PAN3: variants seen among roughly 807,000 people sequenced by gnomAD.
PAN3 encodes poly(A) specific ribonuclease subunit PAN3.
In PAN3, 19 loss-of-function variants were observed where a neutral mutation model predicts 96.2. The observed-to-expected ratio is 0.20, with a 90% CI of 0.14 to 0.29. PAN3 has a LOEUF of 0.29. PAN3 is among the 10% of genes least tolerant of loss of function. The probability of loss-of-function intolerance (pLI) is 1.00; values close to 1 mark genes in which losing one functional copy is unlikely to be tolerated. For missense variants in PAN3, 882 were observed against 1,108.1 expected (o/e 0.80, Z 2.90); for synonymous variants, 433 against 406.6 (o/e 1.06, Z -0.78).
intron 6 of PAN3, among the ~76,000 whole-genome samples, chr13:28,233,482 G>A (rs1395030706): frequency 1.3e-5 from 2 of 152,146 alleles, no homozygotes; most frequent in Admixed American, 1.3e-4. Flanking sequence ...GGCCAGGCTG[G>A]TCTCAGACTC....
chr13:28,255,745 C>CTT (rs898311351), intron 6 of PAN3, among the ~76,000 whole-genome samples: 5 of 143,712 alleles, frequency 3.5e-5, no homozygotes, highest in Admixed American at 1.4e-4. Context: ...TGTATTTCAA[C>CTT]TTTTTTTTTT....
At chr13:28,275,388 G>A (rs1593618519) in intron 14 of PAN3, among the ~76,000 whole-genome samples, 1 of 152,212 alleles carries the variant, frequency 6.6e-6, no homozygotes, top group South Asian at 2.1e-4. Flanking sequence ...AGAGAATAAT[G>A]GAATATTCTG....
At chr13:28,274,517 C>T (rs974616552) in intron 14 of PAN3, among the ~76,000 whole-genome samples, 5 of 150,694 alleles carry the variant, frequency 3.3e-5, no homozygotes, top group South Asian at 2.1e-4. Context: ...AAACTGCACA[C>T]GCTCCTCATT....
At chr13:28,205,265 A>AT (rs1369082830) in intron 5 of PAN3, among the ~76,000 whole-genome samples, 1 of 152,176 alleles carries the variant, frequency 6.6e-6, no homozygotes, top group African/African-American at 2.4e-5. Flanking sequence ...GCTTCAAGCT[A>AT]TCTACTTAGG....
intron 17 of PAN3, among the ~76,000 whole-genome samples, chr13:28,282,111 A>G (rs932084103): frequency 1.7e-4 from 26 of 152,300 alleles, no homozygotes; most frequent in African/African-American, 6.0e-4. Context: ...TATAAGTGAC[A>G]TTGGAAAGGC....
chr13:28,167,081 A>ATTTTTTTTTT (rs1566151683), intron 1 of PAN3, among the ~76,000 whole-genome samples: 1 of 127,620 alleles, frequency 7.8e-6, no homozygotes, highest in African/African-American at 3.2e-5. Context: ...TTTTTATCTT[A>ATTTTTTTTTT]ATTTTTTTTT....
At chr13:28,268,387 C>G (rs746244845) in intron 12 of PAN3, among the ~76,000 whole-genome samples, 3 of 151,884 alleles carry the variant, frequency 2.0e-5, no homozygotes, top group African/African-American at 4.8e-5. Flanking sequence ...GGTTGGATTC[C>G]ATGTTACTTA....
intron 5 of PAN3, chr13:28,214,850 T>A: frequency 1.4e-6 from 1 of 720,278 alleles, no homozygotes; most frequent in Non-Finnish European, 2.5e-6. Flanking sequence ...CTGACTGTGC[T>A]GTACTGATTA....
At chr13:28,275,716 T>A (rs1886999969) in intron 14 of PAN3, among the ~76,000 whole-genome samples, 1 of 152,188 alleles carries the variant, frequency 6.6e-6, no homozygotes, top group Admixed American at 6.5e-5. Context: ...CAAACAGAAA[T>A]GATGGCAACA....
chr13:28,277,620 CACTAGCT>C (rs748820471), intron 15 of PAN3, among the ~76,000 whole-genome samples: 67 of 152,220 alleles, frequency 4.4e-4, no homozygotes, highest in Non-Finnish European at 9.0e-4. Context: ...TGTTGGTATC[CACTAGCT>C]ACATGTGACC....
chr13:28,264,648 C>T (rs1886012901), intron 9 of PAN3, among the ~76,000 whole-genome samples: 1 of 152,108 alleles, frequency 6.6e-6, no homozygotes, highest in African/African-American at 2.4e-5. Context: ...ACTAGCAACC[C>T]CATAGCAAAC....
intron 1 of PAN3, among the ~76,000 whole-genome samples, chr13:28,158,433 A>G (rs1872495411): frequency 6.6e-6 from 1 of 152,250 alleles, no homozygotes; most frequent in Non-Finnish European, 1.5e-5. Flanking sequence ...AAATATTTGT[A>G]AATGGTGCAT....
intron 14 of PAN3, among the ~76,000 whole-genome samples, chr13:28,275,485 A>G (rs940931569): frequency 1.3e-5 from 2 of 152,160 alleles, no homozygotes; most frequent in East Asian, 1.9e-4. Flanking sequence ...GTGTGTTGGT[A>G]CCTGCTGCTC....
chr13:28,207,096 T>C (rs868378456), intron 5 of PAN3, among the ~76,000 whole-genome samples: 3 of 152,138 alleles, frequency 2.0e-5, no homozygotes, highest in African/African-American at 7.2e-5. Context: ...AAAAATAAAA[T>C]GAACGCTGTA....
chr13:28,216,335 G>C (rs905267261), intron 5 of PAN3, among the ~76,000 whole-genome samples: 2 of 152,134 alleles, frequency 1.3e-5, no homozygotes, highest in South Asian at 2.1e-4. Context: ...AGAGCAGAGA[G>C]GGGTGGAAAG....
intron 15 of PAN3, among the ~76,000 whole-genome samples, chr13:28,277,908 C>T (rs962215718): frequency 2.6e-5 from 4 of 152,216 alleles, no homozygotes; most frequent in African/African-American, 7.2e-5. Flanking sequence ...CATGCTTACA[C>T]TCCAGTATCT....
At chr13:28,171,731 A>ACC (rs1184639599) in intron 1 of PAN3, among the ~76,000 whole-genome samples, 3 of 152,130 alleles carry the variant, frequency 2.0e-5, no homozygotes, top group Non-Finnish European at 2.9e-5. Flanking sequence ...AACTCCTTGA[A>ACC]CCCCACAGTT....
At chr13:28,161,812 G>A (rs1872914369) in intron 1 of PAN3, among the ~76,000 whole-genome samples, 1 of 152,180 alleles carries the variant, frequency 6.6e-6, no homozygotes, top group Admixed American at 6.5e-5. Flanking sequence ...CTTGGTTTGT[G>A]AACTTTCGAG....
rs1264530699 is a variant in PAN3 at position 28,256,459 on chromosome 13, G to A, written c.1168G>A (p.Gly390Ser). ...NNPVSQTPSS[G>S]QVIQKETVGG... ...TCCTGTTTCTCAGACTCCGTCTTCT[G>A]GTCAGGTGATCCAAAAGGAAACTGT... Residue 390 changes from glycine (G) to serine (S), a missense_variant, in exon 7 of 19, where the codon GGT becomes AGT. By Grantham distance (56) the Gly-to-Ser change is moderately conservative. Transcript: ENST00000380958. The A allele has an allele frequency of 6.2e-7, 1 of 1,613,816 alleles. No homozygotes were observed. Among genetic ancestry groups the A allele is most frequent in the Admixed American group, 1.7e-5 (1 of 60,006 alleles).
Sources: allele counts gnomAD v4.1 joint callset (sites outside exome capture counted in the v4.1 genomes callset), GRCh38; gene constraint gnomAD v4.1.1; transcripts MANE v1.5; gene names NCBI Gene and HGNC (gene_info 2026-07-23, HGNC 2026-07-21).